The following TET3 variants were observed in gnomAD, a reference collection of about 807,000 sequenced individuals.
TET3 encodes methylcytosine dioxygenase TET3.
A neutral mutation model predicts 141.4 loss-of-function variants in TET3; 19 were observed. That is an observed-to-expected ratio of 0.13 (90% confidence interval 0.09 to 0.20). TET3 has a LOEUF of 0.20. Ranked by LOEUF, TET3 falls within the 10% of genes least tolerant of loss-of-function variation. TET3 has a pLI of 1.00. For synonymous variants in TET3, 1,043 were observed against 980.9 expected (o/e 1.06, Z -1.18); for missense variants, 1,874 against 2,356.9 (o/e 0.80, Z 4.24).
chr2:74,105,411 T>C lies in TET3; in HGVS notation c.*3235T>C. 2.5e-6 allele frequency: 1 copy of C among 398,630 alleles called. No homozygotes were observed. Among genetic ancestry groups the C allele is most frequent in the South Asian group, 1.3e-4 (1 of 7,846 alleles). The allele number at this position is 398,630 out of a possible 1,614,324, so 24.7% of individuals were successfully genotyped here. On this transcript the variant is annotated 3_prime_UTR_variant, in exon 12 of 12. Transcript: ENST00000409262. ...AAATAAAAATCGCTTCGCAGCAGGT[T>C]CTCACAAAATAACTGGTGCTAGCTC...
chr2:74,135,461 C>T, the TET3 span: 2 of 1,302,826 alleles, frequency 1.5e-6, no homozygotes, highest in Non-Finnish European at 2.2e-6. Flanking sequence ...GATTATACAT[C>T]TTCTATAATT....
At position 74,093,350 on chromosome 2, in the gene TET3, C is replaced by T. The variant is rs1690621502; in HGVS notation, c.3130-179C>T. On this transcript the variant is annotated intron_variant, in intron 9 of 11. Coordinates refer to ENST00000409262, the MANE Select transcript of TET3 (RefSeq NM_001287491.2). The surrounding 1 kb of genome is among the most constrained non-coding windows in gnomAD (Gnocchi z 4.2). ...AGAAGGAAGTAATTCCTACAGGAGA[C>T]TGAAAGTAACTTTTTTGTAGCTGGG... Among the ~76,000 whole-genome samples the T allele has an allele frequency of 6.6e-6, 1 of 152,144 alleles. No individual in the cohort carries two copies. Among genetic ancestry groups the T allele is most frequent in the Non-Finnish European group, 1.5e-5 (1 of 68,014 alleles).
intron 3 of TET3, among the ~76,000 whole-genome samples, chr2:74,019,988 C>A (rs917087210): frequency 2.6e-5 from 4 of 152,220 alleles, no homozygotes; most frequent in African/African-American, 9.6e-5. Context: ...GATGAGGACT[C>A]ATCAAGGCTG....
intron 4 of TET3, among the ~76,000 whole-genome samples, chr2:74,051,487 T>C (rs530527505): frequency 6.6e-6 from 1 of 152,350 alleles, no homozygotes; most frequent in African/African-American, 2.4e-5. Context: ...TCATGTGTTT[T>C]CTGAATTTTC....
At chr2:74,082,706 A>G (rs1689899971) in intron 6 of TET3, among the ~76,000 whole-genome samples, 1 of 152,124 alleles carries the variant, frequency 6.6e-6, no homozygotes, top group South Asian at 2.1e-4. Flanking sequence ...TTTTGGCTAC[A>G]CAGCTGCCAA....
At chr2:74,089,011 G>A (rs1690322687) in intron 7 of TET3, among the ~76,000 whole-genome samples, 1 of 150,212 alleles carries the variant, frequency 6.7e-6, no homozygotes, top group Admixed American at 6.7e-5. Context: ...CACCCAGGAG[G>A]CAGAGGTTGC....
intron 3 of TET3, among the ~76,000 whole-genome samples, chr2:74,030,088 C>G (rs1213558567): frequency 3.3e-5 from 5 of 152,160 alleles, no homozygotes; most frequent in African/African-American, 1.2e-4. Context: ...GTTCACTACT[C>G]TATCCACAAA....
chr2:74,011,723 C>G (rs1483295659), intron 3 of TET3, among the ~76,000 whole-genome samples: 1 of 151,902 alleles, frequency 6.6e-6, no homozygotes, highest in African/African-American at 2.4e-5. Flanking sequence ...GTAAGTAATA[C>G]ATATTCTTTG....
intron 3 of TET3, among the ~76,000 whole-genome samples, chr2:74,032,412 T>G (rs1291736275): frequency 1.2e-5 from 1 of 80,746 alleles, no homozygotes; most frequent in Non-Finnish European, 2.5e-5. Flanking sequence ...ACCATGGGGC[T>G]TGGGCGATGG....
At chr2:74,084,793 C>T (rs1690029015) in intron 6 of TET3, among the ~76,000 whole-genome samples, 1 of 152,010 alleles carries the variant, frequency 6.6e-6, no homozygotes, top group African/African-American at 2.4e-5. Flanking sequence ...AAAAATTAGC[C>T]AGGCGTGGTA....
At chr2:74,002,980 T>C in intron 2 of TET3, 130 bp from the exon 3 acceptor site, 1 of 965,374 alleles carries the variant, frequency 1.0e-6, no homozygotes, top group African/African-American at 1.6e-5. Flanking sequence ...CAGATAGCCT[T>C]TCTTTCCCAG....
At position 74,087,731 on chromosome 2, in the gene TET3, A is replaced by C; in HGVS notation, c.2680-99A>C. 1 of 1,231,958 alleles carries C rather than the reference A, an allele frequency of 8.1e-7. No homozygotes were observed. The highest frequency in any genetic ancestry group is 1.1e-6 in the Non-Finnish European group (1 of 903,394). The allele number at this position is 1,231,958 out of a possible 1,614,324, so 76.3% of individuals were successfully genotyped here. ...TGACATCCCTAGAACCCTGCCGTTAAGACCTGCACCCTGGGTCTGTGTGAC... is the reference window on the plus strand; with the variant it reads ...TGACATCCCTAGAACCCTGCCGTTACGACCTGCACCCTGGGTCTGTGTGAC... On this transcript the variant is annotated intron_variant, in intron 6 of 11. Transcript: ENST00000409262. The surrounding 1 kb of genome is among the most constrained non-coding windows in gnomAD (Gnocchi z 4.3).
At chr2:74,134,994 G>A in the TET3 span, 2 of 270,342 alleles carry the variant, frequency 7.4e-6, no homozygotes, top group Non-Finnish European at 1.5e-5. Flanking sequence ...GAGGGAGGCA[G>A]GGAAAGTAAG....
rs747924937 is a variant in TET3, at chr2:74,090,041, C to G, written c.3033C>G (p.Pro1011=). The change falls in exon 8 of 12, where the codon CCC becomes CCG. Residue 1011 remains proline (P), a synonymous_variant. Coordinates refer to ENST00000409262, the MANE Select transcript of TET3 (RefSeq NM_001287491.2). ...PRKFRLAGDN[P]KEEEVLRKSF... Reference sequence around the variant, plus strand: ...AGTTCCGCCTCGCAGGGGACAATCCCAAAGAGGTGAGCAGAGCTGGGCGGG... The same window carrying G: ...AGTTCCGCCTCGCAGGGGACAATCCGAAAGAGGTGAGCAGAGCTGGGCGGG... 1.2e-5 allele frequency: 20 copies of G among 1,613,950 alleles called. No homozygotes were observed. Among genetic ancestry groups the G allele is most frequent in the Non-Finnish European group, 1.5e-5 (18 of 1,179,870 alleles).
At chr2:74,070,849 C>G (rs1035527719) in intron 4 of TET3, among the ~76,000 whole-genome samples, 1 of 152,098 alleles carries the variant, frequency 6.6e-6, no homozygotes, top group Non-Finnish European at 1.5e-5. Flanking sequence ...GTGGTGCACA[C>G]CTGTAGTCCC....
chr2:74,110,421 T>C (rs1158538605), downstream of TET3, among the ~76,000 whole-genome samples: 1 of 152,160 alleles, frequency 6.6e-6, no homozygotes, highest in African/African-American at 2.4e-5. Context: ...GTCATCTTTG[T>C]CTCCCATTGT....
chr2:73,994,638 C>CTTTCTTTTT (rs1553412093), intron 2 of TET3, among the ~76,000 whole-genome samples: 9 of 96,742 alleles, frequency 9.3e-5, no homozygotes, highest in African/African-American at 5.4e-4. Context: ...TTCTTTCTTT[C>CTTTCTTTTT]TTTTTTTTTT....
At chr2:74,064,213 C>A (rs1296018791) in intron 4 of TET3, among the ~76,000 whole-genome samples, 1 of 151,498 alleles carries the variant, frequency 6.6e-6, no homozygotes, top group Non-Finnish European at 1.5e-5. Context: ...CATTATGGCA[C>A]CCGTATACAC....
chr2:74,005,683 C>T lies in TET3; in HGVS notation c.360+2517C>T, dbSNP rs1300675506. ...AGGAAGCCCCATGGGAGAATGGTAT[C>T]TGGTAGCCAGTGGGAATAGACACAT... is the stretch of plus-strand genomic sequence containing the variant. On this transcript the variant is annotated intron_variant, in intron 3 of 11. Coordinates refer to ENST00000409262, the MANE Select transcript of TET3 (RefSeq NM_001287491.2). Among the ~76,000 whole-genome samples the T allele has an allele frequency of 4.6e-5, 7 of 152,120 alleles. No individual in the cohort carries two copies. In the South Asian group the frequency reaches 1.5e-3, roughly 32 times the overall value.
Sources: allele counts gnomAD v4.1 joint callset (sites outside exome capture counted in the v4.1 genomes callset), GRCh38; gene constraint gnomAD v4.1.1; non-coding constraint Gnocchi (gnomAD v3.1); transcripts MANE v1.5; gene names NCBI Gene and HGNC (gene_info 2026-07-23, HGNC 2026-07-21).